DNAH17: variants seen among roughly 807,000 people sequenced by gnomAD.
The protein encoded by DNAH17 is axonemal beta dynein heavy chain 17.
DNAH17 carries 376 observed loss-of-function variants against 485.6 expected under a neutral mutation model. That is an observed-to-expected ratio of 0.77 (90% CI 0.71 to 0.84). The LOEUF is 0.84. Among genes scored for constraint, DNAH17 ranks in the 40% least tolerant of loss-of-function variants. DNAH17 has a pLI of 0.00. For missense variants in DNAH17, 6,370 were observed against 5,839.3 expected (o/e 1.09, Z -2.96); for synonymous variants, 3,031 against 2,405.9 (o/e 1.26, Z -7.60).
rs760646672 is a variant in DNAH17, at chr17:78,479,516, C to G, written c.7869G>C (p.Arg2623Ser). The change falls in exon 50 of 81, where the codon AGG becomes AGC. Residue 2623 changes from arginine (R) to serine (S), a missense_variant. Physicochemically the swap from Arg to Ser is moderately radical, Grantham distance 110. Coordinates refer to ENST00000389840, the MANE Select transcript of DNAH17 (RefSeq NM_173628.4). Reference sequence around the variant, plus strand: ...CCGCGGCCACCAGCTGGCTGCTTATCCTCTGGATAGCCATGGAGACCGAGC... The same window carrying G: ...CCGCGGCCACCAGCTGGCTGCTTATGCTCTGGATAGCCATGGAGACCGAGC... ...AFRSVSMAIQRISSQLVAAAL... is the reference protein window; with the variant it reads ...AFRSVSMAIQSISSQLVAAAL... 6.2e-7 allele frequency: 1 copy of G among 1,613,272 alleles called. No homozygotes were observed. The highest frequency in any genetic ancestry group is 8.5e-7 in the Non-Finnish European group (1 of 1,179,822).
chr17:78,500,152 C>T, intron 36 of DNAH17, 153 bp downstream of exon 36: 1 of 829,018 alleles, frequency 1.2e-6, no homozygotes, highest in Non-Finnish European at 1.8e-6. Flanking sequence ...GGGGATGCTA[C>T]CAGCAAGTGG....
intron 14 of DNAH17, among the ~76,000 whole-genome samples, chr17:78,555,432 A>T (rs1256892460): frequency 6.7e-6 from 1 of 148,950 alleles, no homozygotes; most frequent in African/African-American, 2.5e-5. Flanking sequence ...AGCTGGAGAA[A>T]GGTGCTGTGT....
intron 63 of DNAH17, among the ~76,000 whole-genome samples, chr17:78,454,936 G>C (rs1290265816): frequency 6.6e-6 from 1 of 151,826 alleles, no homozygotes; most frequent in African/African-American, 2.4e-5. Flanking sequence ...CCCTGACAGA[G>C]TCTCACTCTG....
At chr17:78,440,248 T>C (rs1352284127) in intron 72 of DNAH17, among the ~76,000 whole-genome samples, 1 of 104,558 alleles carries the variant, frequency 9.6e-6, no homozygotes, top group Non-Finnish European at 1.8e-5. Context: ...TTCATGCTTT[T>C]TTTTTTTTTT....
chr17:78,484,587 G>A (rs1439968971), intron 48 of DNAH17, among the ~76,000 whole-genome samples: 2 of 152,210 alleles, frequency 1.3e-5, no homozygotes, highest in East Asian at 3.9e-4. Flanking sequence ...CCCCCTCCGC[G>A]GGGGCTCTAG....
intron 16 of DNAH17, 55 bp from the exon 17 acceptor site, chr17:78,544,052 C>T (rs769027140): frequency 3.7e-6 from 6 of 1,610,920 alleles, no homozygotes; most frequent in African/African-American, 2.7e-5. Context: ...TGCTTTCAGT[C>T]GCAGTCCTTT....
At position 78,475,934 on chromosome 17, in the gene DNAH17, TCACCACGG is replaced by T. The variant is rs543057918; in HGVS notation, c.8155-109_8155-102del. 3 of 1,334,182 alleles carry T rather than the reference TCACCACGG, an allele frequency of 2.2e-6. No individual in the cohort carries two copies. In the South Asian group the frequency reaches 4.5e-5, roughly 20 times the overall value. The allele number at this position is 1,334,182 out of a possible 1,614,324, so 82.6% of individuals were successfully genotyped here. On this transcript the variant is annotated intron_variant, in intron 52 of 80. Transcript: ENST00000389840. ...TACTTTGCCAAGGTGGCCTAGGAGG[TCACCACGG>T]GGTCCCAGGCCAAGTCTCCAGGGGC...
chr17:78,465,502 C>T (rs529503865), intron 56 of DNAH17, among the ~76,000 whole-genome samples: 6 of 20,144 alleles, frequency 3.0e-4, no homozygotes, highest in Non-Finnish European at 5.4e-4. Flanking sequence ...TCTTCCCGGC[C>T]GCCATCACAT....
At chr17:78,459,640 TG>T in intron 60 of DNAH17, 143 bp downstream of exon 60, 1 of 854,434 alleles carries the variant, frequency 1.2e-6, no homozygotes, top group Non-Finnish European at 1.8e-6. Flanking sequence ...GCTGTGTTCT[TG>T]GGGTGCTGTA....
Position 78,572,879 on chromosome 17 carries a change from A to G in DNAH17, c.361T>C (p.Leu121=), listed in dbSNP as rs2092380013. ...CCAGCCATGTTCTCACTTTGGTTTA[A>G]CAGAGAAGAGAGGACCTAAAAGGAA... The part of the protein sequence containing the change: ...AVVEEVLSSL[L]NQSENMAGWP... Residue 121 remains leucine (L), a synonymous_variant, in exon 3 of 81, where the codon TTA becomes CTA. Transcript: ENST00000389840. 6.2e-7 allele frequency: 1 copy of G among 1,613,742 alleles called. No homozygotes were observed. Among genetic ancestry groups the G allele is most frequent in the Non-Finnish European group, 8.5e-7 (1 of 1,179,812 alleles).
intron 26 of DNAH17, among the ~76,000 whole-genome samples, chr17:78,513,172 G>C (rs2090681958): frequency 6.6e-6 from 1 of 152,170 alleles, no homozygotes; most frequent in Middle Eastern, 3.4e-3. Context: ...GAAGGAGGCT[G>C]GGGGACAGGC....
chr17:78,490,669 T>A (rs1326239425), intron 44 of DNAH17, 30 bp downstream of exon 44: 1 of 1,587,380 alleles, frequency 6.3e-7, no homozygotes, highest in African/African-American at 1.3e-5. Flanking sequence ...CTGCCGAGGT[T>A]TGGAACAGGA....
Position 78,505,311 on chromosome 17 carries a change from T to A in DNAH17, c.4938A>T (p.Glu1646Asp). ...CACTCACCTGCCCCGAGAGGTCGCATTCCTGATCAAAAACCATGTACTCGT... is the reference window on the plus strand; with the variant it reads ...CACTCACCTGCCCCGAGAGGTCGCAATCCTGATCAAAAACCATGTACTCGT... ...KEDEYMVFDQECDLSGQVEVW... is the reference protein window; with the variant it reads ...KEDEYMVFDQDCDLSGQVEVW... Residue 1646 changes from glutamate (E) to aspartate (D), a missense_variant, in exon 31 of 81, where the codon GAA becomes GAT. By Grantham distance (45) the Glu-to-Asp change is conservative (BLOSUM62 2). Transcript: ENST00000389840. 6.2e-7 allele frequency: 1 copy of A among 1,613,926 alleles called. No individual in the cohort carries two copies. Among genetic ancestry groups the A allele is most frequent in the South Asian group, 1.1e-5 (1 of 91,078 alleles).
chr17:78,553,056 T>A (rs2091938396), intron 14 of DNAH17, among the ~76,000 whole-genome samples: 1 of 152,036 alleles, frequency 6.6e-6, no homozygotes, highest in Non-Finnish European at 1.5e-5. Context: ...AGTGAATGAA[T>A]TCTCGTGCAA....
At position 78,450,191 on chromosome 17, in the gene DNAH17, GC is replaced by G. The variant is rs1266771961; in HGVS notation, c.11040+62del. On this transcript the variant is annotated intron_variant, in intron 68 of 80. Transcript: ENST00000389840. The stretch of plus-strand genomic sequence containing the variant: ...GATGGCTGTGTGGGCAACAGGCCTG[GC>G]TGTGGAGCCCAGATGCAGCCCCACC... 4 of 1,590,632 alleles carry G rather than the reference GC, an allele frequency of 2.5e-6. No homozygotes were observed. The African/African-American group carries it at 5.4e-5, about 21-fold the overall frequency.
chr17:78,430,294 C>T (rs890048703), intron 75 of DNAH17, among the ~76,000 whole-genome samples: 5 of 151,448 alleles, frequency 3.3e-5, no homozygotes, highest in African/African-American at 1.2e-4. Context: ...AGAGATCATT[C>T]CAACATGTAA....
chr17:78,526,870 G>C lies in DNAH17; in HGVS notation c.3624+10C>G. ...CCGGAAATCCCGCCACCCTGCCCCA[G>C]GTATAATACCTCGAATTGCTGGCAT... On this transcript the variant is annotated intron_variant, in intron 23 of 80. Coordinates refer to ENST00000389840, the MANE Select transcript of DNAH17 (RefSeq NM_173628.4). 1 of 1,567,006 alleles carries C rather than the reference G, an allele frequency of 6.4e-7. No individual in the cohort carries two copies. Among genetic ancestry groups the C allele is most frequent in the South Asian group, 1.2e-5 (1 of 85,830 alleles).
chr17:78,458,749 A>G (rs1460353363), intron 61 of DNAH17, 69 bp from the exon 62 acceptor site: 1 of 1,393,926 alleles, frequency 7.2e-7, no homozygotes, highest in Non-Finnish European at 1.0e-6. Flanking sequence ...CAGCGGCAGC[A>G]GGGCTGGGCC....
In DNAH17 at chr17:78,447,065, A is replaced by G. The variant is rs553051474; in HGVS notation, c.11212-1385T>C. ...GTGACCCGCCTATCTCAGCCTCCCA[A>G]GTAACTGGGACTACAGGTGTACATC... On this transcript the variant is annotated intron_variant, in intron 69 of 80. Coordinates refer to ENST00000389840, the MANE Select transcript of DNAH17 (RefSeq NM_173628.4). 3.9e-5 allele frequency among the ~76,000 whole-genome samples: 6 copies of G among 152,252 alleles called. No homozygotes were observed. The South Asian group carries it at 1.2e-3, about 32-fold the overall frequency.
Sources: allele counts gnomAD v4.1 joint callset (sites outside exome capture counted in the v4.1 genomes callset), GRCh38; gene constraint gnomAD v4.1.1; transcripts MANE v1.5; gene names NCBI Gene and HGNC (gene_info 2026-07-23, HGNC 2026-07-21).